UTRN: variants seen among roughly 807,000 people sequenced by gnomAD.
UTRN encodes the protein utrophin, also known as dystrophin-related protein 1.
Under a neutral mutation model 463.9 loss-of-function variants are expected in UTRN, and 283 were observed. The ratio of observed to expected loss-of-function variants is 0.61; its 90% CI spans 0.55 to 0.67. The LOEUF (loss-of-function observed/expected upper bound fraction) is 0.67. Ranked by LOEUF, UTRN falls within the 30% of genes least tolerant of loss-of-function variation. UTRN has a pLI of 0.00. For missense variants in UTRN, 3,922 were observed against 4,084.3 expected, an observed-to-expected ratio of 0.96 and a Z score of 1.08; for synonymous variants, 1,442 against 1,431.5, an observed-to-expected ratio of 1.01 and a Z score of -0.17.
At chr6:144,754,847 T>TGC in intron 57 of UTRN, 49 bp downstream of exon 57, 1 of 1,554,228 alleles carries the variant, frequency 6.4e-7, no homozygotes, top group Non-Finnish European at 8.8e-7. Flanking sequence ...TGAATTAGCA[T>TGC]TTTCTTTCAC....
intron 69 of UTRN, among the ~76,000 whole-genome samples, chr6:144,833,001 G>A (rs1411701645): frequency 4.6e-5 from 7 of 152,032 alleles, no homozygotes; most frequent in African/African-American, 1.4e-4. Context: ...TGTATTTTTA[G>A]TAGAGATGGG....
At position 144,533,179 on chromosome 6, in the gene UTRN, G is replaced by T. The variant is rs200980947; in HGVS notation, c.6152G>T (p.Gly2051Val). The T allele has an allele frequency of 6.2e-7, 1 of 1,614,066 alleles. No individual in the cohort carries two copies. The highest frequency in any genetic ancestry group is 1.3e-5 in the African/African-American group (1 of 74,934). ...GTGCAGAAACTCTCCCAGGCAGATG[G>T]AAGCTTCTTGAAAGAAAAACTGGCA... is the stretch of plus-strand genomic sequence containing the variant. ...GIVQKLSQAD[G>V]SFLKEKLAGL... The change falls in exon 43 of 75, where the codon GGA becomes GTA. Residue 2051 changes from glycine (G) to valine (V), a missense_variant. By Grantham distance (109) the Gly-to-Val change is moderately radical (BLOSUM62 -3). Around this residue, in one of 3 missense-constraint regions of UTRN, gnomAD observed 2,349 missense variants for 2,303.8 expected, o/e 1.02. Coordinates refer to ENST00000367545, the MANE Select transcript of UTRN (RefSeq NM_007124.3).
intron 53 of UTRN, among the ~76,000 whole-genome samples, chr6:144,717,733 C>G (rs9321988): frequency 6.7e-6 from 1 of 148,852 alleles, no homozygotes; most frequent in Non-Finnish European, 1.5e-5. Context: ...CCTCCCGGGT[C>G]CAAATGACTC....
At chr6:144,658,712 T>C (rs903753551) in intron 51 of UTRN, among the ~76,000 whole-genome samples, 1 of 152,282 alleles carries the variant, frequency 6.6e-6, no homozygotes, top group Non-Finnish European at 1.5e-5. Flanking sequence ...CTGTTATACT[T>C]TATTGGTATA....
chr6:144,742,583 T>C (rs1057514802), intron 54 of UTRN, among the ~76,000 whole-genome samples: 1 of 152,162 alleles, frequency 6.6e-6, no homozygotes, highest in South Asian at 2.1e-4. Flanking sequence ...GGTTTGCTTA[T>C]GTGAAAATCT....
At chr6:144,475,422 CAG>C (rs1168905215) in intron 25 of UTRN, among the ~76,000 whole-genome samples, 1 of 152,092 alleles carries the variant, frequency 6.6e-6, no homozygotes, top group Non-Finnish European at 1.5e-5. Context: ...TGGAATAAAA[CAG>C]AGAGGAGTTA....
chr6:144,461,185 TTAAA>T lies in UTRN; in HGVS notation c.2708-7_2708-4del, dbSNP rs779455917. ...TATGATTTTTTCAAACTAAATATTT[TTAAA>T]TAAACAGAACTGAAGGGCCAACCTG... On this transcript the variant is annotated splice_polypyrimidine_tract_variant and splice_region_variant and intron_variant, in intron 21 of 74. Coordinates refer to ENST00000367545, the MANE Select transcript of UTRN (RefSeq NM_007124.3). 3.0e-5 allele frequency: 47 copies of T among 1,554,478 alleles called. No homozygotes were observed. The highest frequency in any genetic ancestry group is 4.1e-5 in the Non-Finnish European group (47 of 1,152,130).
rs960708799 is a variant in UTRN, at chr6:144,286,849, C to T, written c.-93+1028C>T. Among the ~76,000 whole-genome samples, 1 of 152,150 alleles carries T rather than the reference C, an allele frequency of 6.6e-6. No homozygotes were observed. Among genetic ancestry groups the T allele is most frequent in the Non-Finnish European group, 1.5e-5 (1 of 68,014 alleles). On this transcript the variant is annotated intron_variant, in intron 1 of 74. Coordinates refer to ENST00000367545, the MANE Select transcript of UTRN (RefSeq NM_007124.3). This position sits in a 1 kb window ranked among gnomAD's most constrained non-coding sequence, Gnocchi z 4.4. ...CGGGTTCTAACTCCACGGCCCCGCT[C>T]TCTGAGGTGTTCAGGACAGGGCCTC...
chr6:144,737,643 T>C (rs1180114320), intron 54 of UTRN, among the ~76,000 whole-genome samples: 1 of 152,242 alleles, frequency 6.6e-6, no homozygotes, highest in African/African-American at 2.4e-5. Context: ...TTTCTGCTTA[T>C]AAATGGCTAT....
rs1793029110 is a variant in UTRN, at chr6:144,491,121, T to A, written c.4437+19T>A. On this transcript the variant is annotated intron_variant, in intron 32 of 74. Coordinates refer to ENST00000367545, the MANE Select transcript of UTRN (RefSeq NM_007124.3). The stretch of plus-strand genomic sequence containing the variant: ...GTGTATGGTGAGGCTTTTGGGTGAT[T>A]GGCACATCCAGTGGCTTTTTCAGCA... 6.3e-7 allele frequency: 1 copy of A among 1,579,466 alleles called. No individual in the cohort carries two copies. Among genetic ancestry groups the A allele is most frequent in the South Asian group, 1.2e-5 (1 of 86,148 alleles).
chr6:144,678,287 T>C, intron 51 of UTRN, 119 bp from the exon 52 acceptor site: 1 of 972,670 alleles, frequency 1.0e-6, no homozygotes, highest in Non-Finnish European at 1.4e-6. Flanking sequence ...TTGGAAGCAC[T>C]TGAATTTCTT....
At chr6:144,848,504 C>T (rs1011977737) in intron 74 of UTRN, among the ~76,000 whole-genome samples, 1 of 152,028 alleles carries the variant, frequency 6.6e-6, no homozygotes, top group African/African-American at 2.4e-5. Context: ...GTGTGGGAGA[C>T]AGAAATAAAG....
chr6:144,662,471 C>T (rs965714361), intron 51 of UTRN, among the ~76,000 whole-genome samples: 4 of 152,164 alleles, frequency 2.6e-5, no homozygotes, highest in Non-Finnish European at 5.9e-5. Context: ...TCCCTTTACC[C>T]TCAATTCTCA....
chr6:144,410,875 G>A (rs558709226), intron 3 of UTRN, among the ~76,000 whole-genome samples: 1 of 152,144 alleles, frequency 6.6e-6, no homozygotes, highest in African/African-American at 2.4e-5. Context: ...CATTTGGGCT[G>A]GTTCCATATT....
chr6:144,826,627 A>C (rs1427773417), intron 66 of UTRN, among the ~76,000 whole-genome samples: 1 of 152,170 alleles, frequency 6.6e-6, no homozygotes, highest in Non-Finnish European at 1.5e-5. Flanking sequence ...ATCTGGCTCC[A>C]GACACAAGCC....
At chr6:144,344,278 C>T (rs1262993851) in intron 2 of UTRN, 2 of 1,304,158 alleles carry the variant, frequency 1.5e-6, no homozygotes, top group Non-Finnish European at 1.0e-6. Flanking sequence ...GGGCATGTAG[C>T]TCTCCAGGCT....
chr6:144,572,843 T>A (rs577586994), intron 50 of UTRN, among the ~76,000 whole-genome samples: 1 of 152,338 alleles, frequency 6.6e-6, no homozygotes, highest in South Asian at 2.1e-4. Context: ...TTGTAAATAG[T>A]GCTACAGTAA....
chr6:144,605,241 G>A (rs541064597), intron 51 of UTRN, among the ~76,000 whole-genome samples: 8 of 151,806 alleles, frequency 5.3e-5, no homozygotes, highest in African/African-American at 7.3e-5. Flanking sequence ...AAAACAGCAC[G>A]GTACAAAATT....
At chr6:144,816,712 C>T (rs1045257712) in intron 65 of UTRN, among the ~76,000 whole-genome samples, 6 of 146,360 alleles carry the variant, frequency 4.1e-5, no homozygotes, top group Non-Finnish European at 9.0e-5. Flanking sequence ...CAGGCACGTG[C>T]TGTCATGCCT....
Sources: gnomAD v4.1 joint callset for allele counts (sites outside exome capture counted in the v4.1 genomes callset) on GRCh38, gnomAD v4.1.1 for gene constraint, gnomAD v4.1.1 regional missense constraint, Gnocchi (gnomAD v3.1) non-coding constraint, MANE v1.5 for transcripts, NCBI Gene and HGNC (gene_info 2026-07-23, HGNC 2026-07-21) for gene names.